The following SPATA6 variants were observed in gnomAD, a reference collection of about 807,000 sequenced individuals.
SPATA6 encodes spermatogenesis-associated protein 6.
In SPATA6, 56 loss-of-function variants were observed where a neutral mutation model predicts 65.3. The observed-to-expected ratio is 0.86, with a 90% CI of 0.69 to 1.07. The LOEUF (loss-of-function observed/expected upper bound fraction) is 1.07. SPATA6 is among the 50% of genes least tolerant of loss of function. SPATA6 has a pLI of 0.00. For synonymous variants in SPATA6, 199 were observed against 213.2 expected (o/e 0.93, Z 0.58); for missense variants, 590 against 594.8 (o/e 0.99, Z 0.08).
chr1:48,417,054 A>G (rs1557684791), intron 3 of SPATA6, among the ~76,000 whole-genome samples: 2 of 152,184 alleles, frequency 1.3e-5, no homozygotes, highest in Non-Finnish European at 2.9e-5. Flanking sequence ...CACTTCATTC[A>G]TGGCTATCAT....
rs1644814120 is a variant in SPATA6, at chr1:48,296,421, T to C, written c.*2292A>G. 1 of 152,186 alleles carries C rather than the reference T, an allele frequency of 6.6e-6. No individual in the cohort carries two copies. Among genetic ancestry groups the C allele is most frequent in the African/African-American group, 2.4e-5 (1 of 41,452 alleles). The allele number at this position is 152,186 out of a possible 1,614,324, so 9.4% of individuals were successfully genotyped here. A position where few individuals can be genotyped will look rare whatever the true frequency, so the allele number is the denominator to read the frequency against. On this transcript the variant is annotated 3_prime_UTR_variant, in exon 13 of 13. Transcript: ENST00000371847. Reference sequence around the variant, plus strand: ...AATTTAATCCATAGGAAAACATCTTTCAGAGTATTAGTTTCTAAAGTTTCC... The same window carrying C: ...AATTTAATCCATAGGAAAACATCTTCCAGAGTATTAGTTTCTAAAGTTTCC...
intron 11 of SPATA6, among the ~76,000 whole-genome samples, chr1:48,311,253 A>G (rs562527706): frequency 3.7e-4 from 56 of 152,226 alleles, no homozygotes; most frequent in African/African-American, 1.3e-3. Flanking sequence ...ACTGGATAAA[A>G]CCAATGAAAA....
intron 11 of SPATA6, among the ~76,000 whole-genome samples, chr1:48,333,881 TAGTC>T (rs1049841796): frequency 1.3e-4 from 20 of 151,946 alleles, no homozygotes; most frequent in African/African-American, 3.6e-4. Flanking sequence ...ATTAATAAGA[TAGTC>T]AGCTAGACAA....
rs1444028505 is a variant in SPATA6, at chr1:48,298,913, A to G, written c.1287-20T>C. The G allele has an allele frequency of 1.9e-6, 3 of 1,606,574 alleles. No homozygotes were observed. The African/African-American group carries it at 4.0e-5, about 22-fold the overall frequency. On this transcript the variant is annotated intron_variant, in intron 12 of 12. Coordinates refer to ENST00000371847, the MANE Select transcript of SPATA6 (RefSeq NM_019073.4). ...CATGAGCTATAAAAAGGGATATAAA[A>G]GGTTCAAAACAATAATGAAACAAAA...
intron 1 of SPATA6, among the ~76,000 whole-genome samples, chr1:48,467,391 GA>G (rs1657893377): frequency 6.6e-6 from 1 of 151,850 alleles, no homozygotes; most frequent in Non-Finnish European, 1.5e-5. Flanking sequence ...TAGTAATTGG[GA>G]AAAAACTGAA....
chr1:48,270,139 TTC>T, the SPATA6 span, among the ~76,000 whole-genome samples: 2 of 152,044 alleles, frequency 1.3e-5, no homozygotes, highest in African/African-American at 4.8e-5. Context: ...GTGACTGGGG[TTC>T]CAGAGGAAGT....
chr1:48,453,281 T>C (rs1656744034), intron 1 of SPATA6, 150 bp from the exon 2 acceptor site: 3 of 891,852 alleles, frequency 3.4e-6, no homozygotes, highest in Non-Finnish European at 4.9e-6. Context: ...CAGAGACTAG[T>C]GTTTACAGAG....
At chr1:48,291,345 C>G (rs183510798), downstream of SPATA6, among the ~76,000 whole-genome samples, 1 of 152,232 alleles carries the variant, frequency 6.6e-6, no homozygotes, top group Non-Finnish European at 1.5e-5. Context: ...AGAGAAAGAT[C>G]ATCAGGTGTG....
chr1:48,335,356 A>C (rs1269811312), intron 11 of SPATA6, among the ~76,000 whole-genome samples: 1 of 152,074 alleles, frequency 6.6e-6, no homozygotes, highest in Non-Finnish European at 1.5e-5. Context: ...AAGAAAAAAA[A>C]GCTGGAGGAA....
At chr1:48,366,091 T>C (rs1039601214) in intron 9 of SPATA6, among the ~76,000 whole-genome samples, 65 of 152,206 alleles carry the variant, frequency 4.3e-4, no homozygotes, top group Admixed American at 2.7e-3. Flanking sequence ...TATGCTGAAT[T>C]ACATTTATTG....
At chr1:48,287,221 C>T in the SPATA6 span, among the ~76,000 whole-genome samples, 1 of 152,160 alleles carries the variant, frequency 6.6e-6, no homozygotes, top group East Asian at 1.9e-4. Context: ...AGGTGCTACA[C>T]ATTTTTAAAT....
chr1:48,318,044 A>G (rs756818160), intron 11 of SPATA6, among the ~76,000 whole-genome samples: 1 of 152,236 alleles, frequency 6.6e-6, no homozygotes, highest in Non-Finnish European at 1.5e-5. Flanking sequence ...AGAATAAAGG[A>G]CAAAATGATA....
At chr1:48,262,041 A>G in the SPATA6 span, among the ~76,000 whole-genome samples, 1 of 152,104 alleles carries the variant, frequency 6.6e-6, no homozygotes, top group African/African-American at 2.4e-5. Flanking sequence ...GCCTACATAG[A>G]TGCCAGAAAG....
At chr1:48,450,340 G>A (rs201160387) in intron 3 of SPATA6, among the ~76,000 whole-genome samples, 129 of 137,668 alleles carry the variant, frequency 9.4e-4, no homozygotes, top group African/African-American at 1.1e-3. Flanking sequence ...GAGAGCCCAA[G>A]AAAAAAAAAA....
chr1:48,320,803 G>A (rs983068871), intron 11 of SPATA6, among the ~76,000 whole-genome samples: 14 of 152,040 alleles, frequency 9.2e-5, no homozygotes, highest in South Asian at 2.1e-4. Flanking sequence ...TGAAGACAAC[G>A]ACTTTTCAAG....
intron 11 of SPATA6, among the ~76,000 whole-genome samples, chr1:48,320,749 A>G (rs1645576805): frequency 1.3e-5 from 2 of 152,242 alleles, no homozygotes. Context: ...CAAACTACTT[A>G]TATCTTCAGT....
chr1:48,401,974 CA>C (rs1651207109), intron 6 of SPATA6, among the ~76,000 whole-genome samples: 1 of 152,152 alleles, frequency 6.6e-6, no homozygotes, highest in Admixed American at 6.6e-5. Context: ...AATAATGTTA[CA>C]TGCTAGGCAT....
rs908600111 is a variant in SPATA6, at chr1:48,298,267, G to A, written c.*446C>T. 6.6e-6 allele frequency: 1 copy of A among 152,588 alleles called. No homozygotes were observed. Among genetic ancestry groups the A allele is most frequent in the African/African-American group, 2.4e-5 (1 of 41,466 alleles). The allele number at this position is 152,588 out of a possible 1,614,324, so 9.5% of individuals were successfully genotyped here. A position where few individuals can be genotyped will look rare whatever the true frequency, so the allele number is the denominator to read the frequency against. On this transcript the variant is annotated 3_prime_UTR_variant, in exon 13 of 13. Coordinates refer to ENST00000371847, the MANE Select transcript of SPATA6 (RefSeq NM_019073.4). Reference sequence around the variant, plus strand: ...TTAAACCCTTAGGAAATTCATTTCTGTATAGGATATCATTTTGTTCATCAC... The same window carrying A: ...TTAAACCCTTAGGAAATTCATTTCTATATAGGATATCATTTTGTTCATCAC...
intron 11 of SPATA6, among the ~76,000 whole-genome samples, chr1:48,342,440 C>T (rs886223585): frequency 6.6e-6 from 1 of 151,492 alleles, no homozygotes; most frequent in African/African-American, 2.4e-5. Flanking sequence ...ATGGTGAAAC[C>T]CCTTATCTAT....
Sources: gnomAD v4.1 joint callset for allele counts (sites outside exome capture counted in the v4.1 genomes callset) on GRCh38, gnomAD v4.1.1 for gene constraint, MANE v1.5 for transcripts, NCBI Gene and HGNC (gene_info 2026-07-23, HGNC 2026-07-21) for gene names.